Variants in GPC5 observed in about 807,000 individuals in gnomAD.
The protein encoded by GPC5 is glypican-5.
GPC5 carries 47 observed loss-of-function variants against 53.9 expected under a neutral mutation model. The ratio of observed to expected loss-of-function variants is 0.87; its 90% CI spans 0.69 to 1.11. GPC5 has a LOEUF of 1.11. Ranked by LOEUF, GPC5 falls within the 50% of genes most tolerant of loss-of-function variation. The probability of loss-of-function intolerance (pLI) is 0.00; values close to 1 mark genes in which losing one functional copy is unlikely to be tolerated. For synonymous variants in GPC5, 286 were observed against 263.3 expected (o/e 1.09, Z -0.84); for missense variants, 748 against 713.1 (o/e 1.05, Z -0.56).
At chr13:92,705,588 GAAAT>G (rs1190050028) in intron 7 of GPC5, among the ~76,000 whole-genome samples, 1 of 152,020 alleles carries the variant, frequency 6.6e-6, no homozygotes, top group Non-Finnish European at 1.5e-5. Flanking sequence ...AATATTGGGT[GAAAT>G]AAATACATAA....
intron 7 of GPC5, among the ~76,000 whole-genome samples, chr13:92,438,288 T>C (rs1278032096): frequency 1.3e-5 from 2 of 151,444 alleles, no homozygotes. Flanking sequence ...CCAAAGAAAA[T>C]CACACGTAAG....
chr13:91,532,074 A>C (rs1424511401), intron 2 of GPC5, among the ~76,000 whole-genome samples: 2 of 152,232 alleles, frequency 1.3e-5, no homozygotes, highest in African/African-American at 4.8e-5. Flanking sequence ...GATTGTAAGA[A>C]ACTCAAATAA....
intron 6 of GPC5, among the ~76,000 whole-genome samples, chr13:92,141,102 T>G (rs187791819): frequency 6.6e-6 from 1 of 152,316 alleles, no homozygotes; most frequent in Admixed American, 6.5e-5. Flanking sequence ...AAAGAAAATT[T>G]GAATAAAGAT....
At chr13:91,706,228 T>C (rs1026139311) in intron 3 of GPC5, among the ~76,000 whole-genome samples, 5 of 152,060 alleles carry the variant, frequency 3.3e-5, no homozygotes, top group African/African-American at 7.2e-5. Context: ...CATCACTTTA[T>C]GGACCATACT....
rs147050267 is a variant in GPC5 at position 92,433,730 on chromosome 13, T to C, written c.1561+288741T>C. ...ACAATTGACTAAGAGGTGAGTAGGT[T>C]ATATTAAAAAGGAGAAAAAGCCTGT... is the stretch of plus-strand genomic sequence containing the variant. On this transcript the variant is annotated intron_variant, in intron 7 of 7. Coordinates refer to ENST00000377067, the MANE Select transcript of GPC5 (RefSeq NM_004466.6). Among the ~76,000 whole-genome samples the C allele has an allele frequency of 9.7e-4, 147 of 152,216 alleles. 1 individual carries two copies. Among genetic ancestry groups the C allele is most frequent in the East Asian group, 6.0e-3 (31 of 5,178 alleles).
intron 5 of GPC5, among the ~76,000 whole-genome samples, chr13:91,865,021 C>T (rs2039068902): frequency 6.6e-6 from 1 of 151,776 alleles, no homozygotes; most frequent in South Asian, 2.1e-4. Context: ...TCTCCTGCCT[C>T]AGCCTCCAGC....
chr13:91,428,692 ATTC>A (rs1232274586), intron 1 of GPC5, among the ~76,000 whole-genome samples: 2 of 151,756 alleles, frequency 1.3e-5, no homozygotes, highest in African/African-American at 4.8e-5. Flanking sequence ...AACTTCCTGT[ATTC>A]TTTTTTTAAA....
At chr13:92,128,593 C>G (rs918272406) in intron 6 of GPC5, among the ~76,000 whole-genome samples, 2 of 152,162 alleles carry the variant, frequency 1.3e-5, no homozygotes, top group Admixed American at 1.3e-4. Flanking sequence ...TCAGAGAACT[C>G]GGTCTCATTA....
intron 7 of GPC5, among the ~76,000 whole-genome samples, chr13:92,147,969 T>C (rs4773668): frequency 0.45 from 68,108 of 151,840 alleles, 15,945 homozygotes; most frequent in South Asian, 0.65. Context: ...ATGGTCTTAA[T>C]GACTTCAAAA....
chr13:92,392,715 A>G (rs1442938070), intron 7 of GPC5, among the ~76,000 whole-genome samples: 1 of 152,148 alleles, frequency 6.6e-6, no homozygotes, highest in Non-Finnish European at 1.5e-5. Flanking sequence ...AAGAGAAACA[A>G]CCCTATTAAA....
At chr13:92,663,335 A>G (rs747676154) in intron 7 of GPC5, among the ~76,000 whole-genome samples, 18 of 152,038 alleles carry the variant, frequency 1.2e-4, no homozygotes, top group Non-Finnish European at 2.2e-4. Flanking sequence ...AATATTTGAT[A>G]CAAGGGAGGG....
intron 6 of GPC5, among the ~76,000 whole-genome samples, chr13:92,006,534 T>TTTGTC (rs888259979): frequency 1.3e-4 from 20 of 152,186 alleles, no homozygotes; most frequent in Non-Finnish European, 2.8e-4. Flanking sequence ...TCCTACTACC[T>TTTGTC]TTGTCTTATA....
rs140111208 is a variant in GPC5 at position 91,977,333 on chromosome 13, C to T, written c.1401+69276C>T. 2.2e-4 allele frequency among the ~76,000 whole-genome samples: 34 copies of T among 152,262 alleles called. No homozygotes were observed. In the East Asian group the frequency reaches 6.4e-3, roughly 29 times the overall value. On this transcript the variant is annotated intron_variant, in intron 6 of 7. Coordinates refer to ENST00000377067, the MANE Select transcript of GPC5 (RefSeq NM_004466.6). ...GAAAATCAATGCTTAGTAATGAGCA[C>T]TGTGTGCAACACTAAATATTCCTTA...
chr13:91,555,382 C>T (rs1566500514), intron 2 of GPC5, among the ~76,000 whole-genome samples: 1 of 151,996 alleles, frequency 6.6e-6, no homozygotes, highest in South Asian at 2.1e-4. Context: ...CCGGTGGTAA[C>T]AAATTTTGTA....
At chr13:91,557,838 A>G (rs1385207222) in intron 2 of GPC5, among the ~76,000 whole-genome samples, 1 of 152,126 alleles carries the variant, frequency 6.6e-6, no homozygotes, top group African/African-American at 2.4e-5. Flanking sequence ...TACCTTTTAC[A>G]TTAGTCCCAG....
At chr13:91,505,312 A>G (rs751654543) in intron 2 of GPC5, among the ~76,000 whole-genome samples, 2 of 152,144 alleles carry the variant, frequency 1.3e-5, no homozygotes, top group African/African-American at 2.4e-5. Flanking sequence ...AAAAAGAAAG[A>G]CTCCAGAAAT....
chr13:92,283,997 A>G (rs1346541013), intron 7 of GPC5, among the ~76,000 whole-genome samples: 2 of 152,226 alleles, frequency 1.3e-5, no homozygotes, highest in Admixed American at 1.3e-4. Flanking sequence ...ACCGCTAGCA[A>G]GACTAATAAA....
Position 92,504,658 on chromosome 13 carries a change from A to G in GPC5, c.1561+359669A>G, listed in dbSNP as rs984702139. Among the ~76,000 whole-genome samples, 68 of 152,026 alleles carry G rather than the reference A, an allele frequency of 4.5e-4. 2 individuals are homozygous for G. The highest frequency in any genetic ancestry group is 1.3e-4 in the Non-Finnish European group (9 of 67,902). On this transcript the variant is annotated intron_variant, in intron 7 of 7. Transcript: ENST00000377067. ...CCGGACACAGAGATCAGTGTCACAGAGAAGATAATCCAGAAGTAGACACAC... is the reference window on the plus strand; with the variant it reads ...CCGGACACAGAGATCAGTGTCACAGGGAAGATAATCCAGAAGTAGACACAC...
intron 7 of GPC5, among the ~76,000 whole-genome samples, chr13:92,611,031 T>C (rs1884419089): frequency 6.6e-6 from 1 of 151,534 alleles, no homozygotes; most frequent in Non-Finnish European, 1.5e-5. Context: ...CTACAATATG[T>C]CCTATGTGGT....
Sources: gnomAD v4.1 joint callset for allele counts (sites outside exome capture counted in the v4.1 genomes callset) on GRCh38, gnomAD v4.1.1 for gene constraint, MANE v1.5 for transcripts, NCBI Gene and HGNC (gene_info 2026-07-23, HGNC 2026-07-21) for gene names.